MGAM2: variants seen among roughly 807,000 people sequenced by gnomAD.
The protein encoded by MGAM2 is probable maltase-glucoamylase 2.
In MGAM2, 98 loss-of-function variants were observed where a neutral mutation model predicts 96.1. The observed-to-expected ratio is 1.02, with a 90% CI of 0.87 to 1.21. MGAM2 has a LOEUF of 1.21. Among genes scored for constraint, MGAM2 ranks in the 50% most tolerant of loss-of-function variants. MGAM2 has a pLI of 0.00. For missense variants in MGAM2, 2,055 were observed against 1,182.4 expected (o/e 1.74, Z -10.82); for synonymous variants, 749 against 414.8 (o/e 1.81, Z -9.79).
Position 142,222,072 on chromosome 7 carries a change from G to C in MGAM2, c.*13G>C. On this transcript the variant is annotated 3_prime_UTR_variant, in exon 48 of 48. Coordinates refer to ENST00000477922, the MANE Select transcript of MGAM2 (RefSeq NM_001293626.2). ...TCAAGTTCCATGATTACTACTCAAG[G>C]CAGGATAGTTACCTCAGATAACGCC... 2.5e-6 allele frequency: 1 copy of C among 398,036 alleles called. No homozygotes were observed. The highest frequency in any genetic ancestry group is 4.4e-6 in the Non-Finnish European group (1 of 225,686). 24.7% of individuals were successfully genotyped at this position (398,036 alleles called of 1,614,324 possible).
At position 142,196,180 on chromosome 7, in the gene MGAM2, G is replaced by C. The variant is rs114000822; in HGVS notation, c.4373G>C (p.Arg1458Pro). ...GCTGTGCAGGAGGTGACAGGACAGC[G>C]AGGGGTCATCATCACCCGCTCCACA... ...YEAVQEVTGQ[R>P]GVIITRSTFP... The change falls in exon 38 of 48, where the codon CGA (arginine) becomes CCA (proline). Residue 1458 changes from arginine (R) to proline (P), a missense_variant. Arg to Pro is a moderately radical substitution (Grantham distance 103, BLOSUM62 -2). Transcript: ENST00000477922. 1 of 1,205,060 alleles carries C rather than the reference G, an allele frequency of 8.3e-7. No individual in the cohort carries two copies. Among genetic ancestry groups the C allele is most frequent in the South Asian group, 1.3e-5 (1 of 77,028 alleles). The allele number at this position is 1,205,060 out of a possible 1,614,324, so 74.6% of individuals were successfully genotyped here.
intron 37 of MGAM2, among the ~76,000 whole-genome samples, chr7:142,194,687 CATGTGTGTATGTGTGTGTGT>C (rs1796972888): frequency 8.5e-6 from 1 of 118,162 alleles, no homozygotes; most frequent in Non-Finnish European, 1.8e-5. Flanking sequence ...TTTAATAGAA[CATGTGTGTATGTGTGTGTGT>C]GTGTGTGTGT....
rs74532061 is a variant in MGAM2, at chr7:142,172,242, C to T, written c.3448+48C>T. ...ATGCACCACCAGAAACAGCTGTGAC[C>T]GCTCTATTTTGACCTGGTATCAATA... is the stretch of plus-strand genomic sequence containing the variant. On this transcript the variant is annotated intron_variant, in intron 29 of 47. Coordinates refer to ENST00000477922, the MANE Select transcript of MGAM2 (RefSeq NM_001293626.2). The T allele has an allele frequency of 5.9e-3, 3,997 of 676,192 alleles. 119 individuals are homozygous for T. The African/African-American group carries it at 0.061, about 10-fold the overall frequency. The allele number at this position is 676,192 out of a possible 1,614,324, so 41.9% of individuals were successfully genotyped here. A position where few individuals can be genotyped will look rare whatever the true frequency, so the allele number is the denominator to read the frequency against.
chr7:142,128,445 C>G (rs768329256), intron 3 of MGAM2, among the ~76,000 whole-genome samples: 2 of 152,238 alleles, frequency 1.3e-5, no homozygotes, highest in African/African-American at 2.4e-5. Context: ...GCCAAGACAA[C>G]GGGAAAAATG....
chr7:142,142,242 G>A (rs1262217703), intron 12 of MGAM2, among the ~76,000 whole-genome samples: 1 of 151,572 alleles, frequency 6.6e-6, no homozygotes, highest in African/African-American at 2.4e-5. Context: ...TGCTTTTACT[G>A]TTTCGTTAGA....
At chr7:142,171,057 C>G (rs148550365) in intron 27 of MGAM2, 2 of 582,000 alleles carry the variant, frequency 3.4e-6, no homozygotes, top group African/African-American at 3.7e-5. Flanking sequence ...AAAAGGAGCT[C>G]TCAGTCTGAC....
At position 142,198,688 on chromosome 7, in the gene MGAM2, G is replaced by T; in HGVS notation, c.4997G>T (p.Arg1666Ile). Reference sequence around the variant, plus strand: ...CTTGACCACATCAACCTTCATGTCAGAGGAGGCTACATCCTGCCCTGGCAA... The same window carrying T: ...CTTGACCACATCAACCTTCATGTCATAGGAGGCTACATCCTGCCCTGGCAA... ...APLDHINLHV[R>I]GGYILPWQEP... Residue 1666 changes from arginine to isoleucine, a missense_variant, in exon 44 of 48, where the codon AGA becomes ATA. Transcript: ENST00000477922. 1.4e-6 allele frequency: 1 copy of T among 704,022 alleles called. No homozygotes were observed. The allele number at this position is 704,022 out of a possible 1,614,324, so 43.6% of individuals were successfully genotyped here. A position where few individuals can be genotyped will look rare whatever the true frequency, so the allele number is the denominator to read the frequency against.
In MGAM2 at chr7:142,121,097, A is replaced by T. The variant is rs956967311; in HGVS notation, c.186+716A>T. On this transcript the variant is annotated intron_variant, in intron 3 of 47. Coordinates refer to ENST00000477922, the MANE Select transcript of MGAM2 (RefSeq NM_001293626.2). ...AGGTTAAAGTTTAAACAATATTCAC[A>T]TTTTGATAGTTTTGAATCTTCTTGT... Among the ~76,000 whole-genome samples the T allele has an allele frequency of 2.6e-5, 4 of 152,336 alleles. No homozygotes were observed. In the South Asian group the frequency reaches 8.3e-4, roughly 32 times the overall value.
At chr7:142,189,322 G>A (rs1796796564) in intron 36 of MGAM2, 45 bp from the exon 37 acceptor site, 3 of 627,040 alleles carry the variant, frequency 4.8e-6, no homozygotes, top group Non-Finnish European at 8.7e-6. Context: ...TCTAGTGAAT[G>A]TGCAAATCAT....
chr7:142,157,619 TG>T (rs894096349), intron 17 of MGAM2, among the ~76,000 whole-genome samples: 1 of 152,196 alleles, frequency 6.6e-6, no homozygotes, highest in African/African-American at 2.4e-5. Context: ...CTCCATCTCC[TG>T]ACCTCGTGAT....
rs145268401 is a variant in MGAM2, at chr7:142,150,656, T to C, written c.1634+3083T>C. 4.6e-5 allele frequency among the ~76,000 whole-genome samples: 7 copies of C among 152,316 alleles called. No individual in the cohort carries two copies. In the East Asian group the frequency reaches 1.4e-3, roughly 29 times the overall value. ...TCAAGATCCCTGGGTGTATTGAACG[T>C]ATGTTAAAATCTAGAAAGCACTGCT... On this transcript the variant is annotated intron_variant, in intron 15 of 47. Transcript: ENST00000477922.
At chr7:142,171,941 T>C in intron 28 of MGAM2, among the ~76,000 whole-genome samples, 157 bp from the exon 29 acceptor site, 1 of 151,950 alleles carries the variant, frequency 6.6e-6, no homozygotes, top group Non-Finnish European at 1.5e-5. Flanking sequence ...AAGACACAGC[T>C]TTTAACTTGG....
chr7:142,185,772 A>G (rs1796675248), intron 34 of MGAM2, among the ~76,000 whole-genome samples: 1 of 152,224 alleles, frequency 6.6e-6, no homozygotes. Context: ...CCTGTATTTG[A>G]AAGGGATTAT....
chr7:142,176,108 A>AAAAAAAGT (rs1554509686), intron 32 of MGAM2, among the ~76,000 whole-genome samples: 14 of 114,846 alleles, frequency 1.2e-4, no homozygotes, highest in South Asian at 6.0e-4. Context: ...AAAAAAAAAA[A>AAAAAAAGT]GGGGGGGGCA....
chr7:142,140,718 C>T (rs1381337167), intron 10 of MGAM2, 84 bp from the exon 11 acceptor site: 4 of 568,110 alleles, frequency 7.0e-6, no homozygotes. Flanking sequence ...GTTTCATTTT[C>T]AATGGTCAGG....
At chr7:142,144,745 C>A in intron 13 of MGAM2, 116 bp from the exon 14 acceptor site, 1 of 525,762 alleles carries the variant, frequency 1.9e-6, no homozygotes, top group Non-Finnish European at 3.3e-6. Flanking sequence ...ATTTAAAATC[C>A]AAAAAGCAGT....
chr7:142,216,184 AT>A (rs1563300805), intron 46 of MGAM2, among the ~76,000 whole-genome samples: 1 of 152,114 alleles, frequency 6.6e-6, no homozygotes, highest in African/African-American at 2.4e-5. Flanking sequence ...TACTAATTAA[AT>A]TTGTGTATTC....
chr7:142,167,219 C>A (rs1301805586), intron 25 of MGAM2, 49 bp from the exon 26 acceptor site: 2 of 640,970 alleles, frequency 3.1e-6, no homozygotes, highest in Admixed American at 2.3e-5. Context: ...GTAATGAGAG[C>A]CTTAGTGTTG....
Position 142,191,815 on chromosome 7 carries a change from T to C in MGAM2, c.4346+2310T>C, listed in dbSNP as rs538640051. Among the ~76,000 whole-genome samples the C allele has an allele frequency of 1.4e-4, 21 of 152,338 alleles. 1 individual carries two copies. The highest frequency in any genetic ancestry group is 4.1e-4 in the African/African-American group (17 of 41,576). ...TAAATCAGTTTGGTGAGTATTACCA[T>C]GTTAACAATATTAAGTCTCTTTTGA... On this transcript the variant is annotated intron_variant, in intron 37 of 47. Coordinates refer to ENST00000477922, the MANE Select transcript of MGAM2 (RefSeq NM_001293626.2).
Sources: allele counts gnomAD v4.1 joint callset (sites outside exome capture counted in the v4.1 genomes callset), GRCh38; gene constraint gnomAD v4.1.1; transcripts MANE v1.5; gene names NCBI Gene and HGNC (gene_info 2026-07-23, HGNC 2026-07-21).